CDH13: variants seen among roughly 807,000 people sequenced by gnomAD.
The protein encoded by CDH13 is cadherin-13.
In CDH13, 24 loss-of-function variants were observed where a neutral mutation model predicts 63.8. The observed-to-expected ratio is 0.38, with a 90% CI of 0.27 to 0.53. The LOEUF is 0.53. Ranked by LOEUF, CDH13 falls within the 20% of genes least tolerant of loss-of-function variation. The probability of loss-of-function intolerance (pLI) is 0.85; values close to 1 mark genes in which losing one functional copy is unlikely to be tolerated. For synonymous variants in CDH13, 503 were observed against 355.3 expected, an observed-to-expected ratio of 1.42 and a Z score of -4.67; for missense variants, 1,049 against 903.1, an observed-to-expected ratio of 1.16 and a Z score of -2.07.
At chr16:83,131,093 G>A (rs972210090) in intron 4 of CDH13, among the ~76,000 whole-genome samples, 6 of 150,670 alleles carry the variant, frequency 4.0e-5, no homozygotes, top group South Asian at 2.1e-4. Flanking sequence ...CTGCTTTTCC[G>A]TAATACGAGG....
chr16:83,661,863 G>A (rs1463950467), intron 8 of CDH13, among the ~76,000 whole-genome samples: 1 of 152,198 alleles, frequency 6.6e-6, no homozygotes, highest in Non-Finnish European at 1.5e-5. Context: ...AGCAATTCCT[G>A]CCAGGGCATG....
chr16:82,690,668 A>G (rs980336865), intron 1 of CDH13, among the ~76,000 whole-genome samples: 1 of 152,246 alleles, frequency 6.6e-6, no homozygotes, highest in African/African-American at 2.4e-5. Flanking sequence ...GTAATGAAGC[A>G]GAACTACTGT....
At position 83,678,394 on chromosome 16, in the gene CDH13, T is replaced by G. The variant is rs375830247; in HGVS notation, c.1471T>G (p.Ser491Ala). 16 of 1,613,862 alleles carry G rather than the reference T, an allele frequency of 9.9e-6. No individual in the cohort carries two copies. The highest frequency in any genetic ancestry group is 1.4e-5 in the Non-Finnish European group (16 of 1,179,896). The change falls in exon 10 of 14, where the codon TCT (serine) becomes GCT (alanine). Residue 491 changes from serine (S) to alanine (A), a missense_variant. Transcript: ENST00000567109. ...PMMVTRQEDLSVGSVLLTVNA... is the reference protein window; with the variant it reads ...PMMVTRQEDLAVGSVLLTVNA... Reference sequence around the variant, plus strand: ...GATGGTGACCAGGCAGGAGGACCTCTCTGTGGGCAGCGTGCTGCTGACAGT... The same window carrying G: ...GATGGTGACCAGGCAGGAGGACCTCGCTGTGGGCAGCGTGCTGCTGACAGT...
intron 3 of CDH13, among the ~76,000 whole-genome samples, chr16:83,048,361 G>A (rs1302493696): frequency 2.0e-5 from 3 of 152,188 alleles, no homozygotes; most frequent in African/African-American, 7.2e-5. Flanking sequence ...TGAAACACAG[G>A]ATGGGGGTGA....
chr16:83,028,235 C>T (rs1197044184), intron 2 of CDH13, among the ~76,000 whole-genome samples: 1 of 152,200 alleles, frequency 6.6e-6, no homozygotes, highest in Non-Finnish European at 1.5e-5. Flanking sequence ...ACAGTGAAAG[C>T]AACCTTGGTG....
Position 83,754,726 on chromosome 16 carries a change from C to T in CDH13, c.1681+6476C>T, listed in dbSNP as rs143739431. 1.3e-3 allele frequency among the ~76,000 whole-genome samples: 193 copies of T among 152,326 alleles called. 3 individuals carry two copies. The East Asian group carries it at 0.036, about 28-fold the overall frequency. ...TCCCTGTAAGATGGGACTTGCTCCT[C>T]CTTGCCTTCCACCATGATTGTGAGG... On this transcript the variant is annotated intron_variant, in intron 11 of 13. Coordinates refer to ENST00000567109, the MANE Select transcript of CDH13 (RefSeq NM_001257.5).
chr16:82,960,836 A>G (rs772453993), intron 2 of CDH13, among the ~76,000 whole-genome samples: 83 of 152,164 alleles, frequency 5.5e-4, no homozygotes, highest in Admixed American at 2.0e-4. Context: ...AATTATTGTT[A>G]ATACAAATAA....
At chr16:82,699,962 G>T (rs1028144535) in intron 1 of CDH13, among the ~76,000 whole-genome samples, 4 of 152,232 alleles carry the variant, frequency 2.6e-5, no homozygotes, top group African/African-American at 9.6e-5. Context: ...GCATTTGCCT[G>T]CAAGTTGCCA....
chr16:83,255,875 A>G (rs992248734), intron 5 of CDH13, among the ~76,000 whole-genome samples: 1 of 152,102 alleles, frequency 6.6e-6, no homozygotes, highest in Admixed American at 6.5e-5. Flanking sequence ...ACATGAGACA[A>G]TGTCAGTAAA....
intron 4 of CDH13, among the ~76,000 whole-genome samples, chr16:83,156,150 G>T (rs1480604043): frequency 6.6e-6 from 1 of 152,170 alleles, no homozygotes; most frequent in Non-Finnish European, 1.5e-5. Flanking sequence ...CTTGGTTTGT[G>T]CTTTGAACAT....
chr16:83,146,448 G>C (rs908287621), intron 4 of CDH13, among the ~76,000 whole-genome samples: 1 of 151,906 alleles, frequency 6.6e-6, no homozygotes, highest in African/African-American at 2.4e-5. Flanking sequence ...CAATTTGTTT[G>C]GTCTTCCCTT....
At chr16:82,898,438 T>C (rs57774631) in intron 2 of CDH13, among the ~76,000 whole-genome samples, 2,829 of 152,272 alleles carry the variant, frequency 0.019, 85 homozygotes, top group African/African-American at 0.064. Context: ...GACAGGAGAA[T>C]TACTTGAACC....
intron 2 of CDH13, among the ~76,000 whole-genome samples, chr16:82,937,282 A>G (rs1422438703): frequency 1.3e-5 from 2 of 152,098 alleles, no homozygotes; most frequent in African/African-American, 2.4e-5. Flanking sequence ...CAGGTTTCCA[A>G]AGCTGTTTCC....
At chr16:83,590,953 CA>C (rs1567789754) in intron 7 of CDH13, among the ~76,000 whole-genome samples, 1 of 144,418 alleles carries the variant, frequency 6.9e-6, no homozygotes, top group Non-Finnish European at 1.5e-5. Context: ...TCTCGTTGCC[CA>C]GGCTGGAGTG....
At chr16:83,230,988 G>C (rs1289456304) in intron 5 of CDH13, among the ~76,000 whole-genome samples, 2 of 152,200 alleles carry the variant, frequency 1.3e-5, no homozygotes, top group Non-Finnish European at 2.9e-5. Context: ...CAGAATGGTT[G>C]CTCCCTTTGT....
rs548265037 is a variant in CDH13, at chr16:83,021,999, G to T, written c.158-10011G>T. ...TGACTAGAATGCTGGTGAAATGAGA[G>T]TATTCAGGAAAGTCAAAAGAAATGC... On this transcript the variant is annotated intron_variant, in intron 2 of 13. Transcript: ENST00000567109. Among the ~76,000 whole-genome samples, 10 of 152,314 alleles carry T rather than the reference G, an allele frequency of 6.6e-5. No individual in the cohort carries two copies. The East Asian group carries it at 1.3e-3, about 21-fold the overall frequency.
At position 83,143,402 on chromosome 16, in the gene CDH13, G is replaced by C. The variant is rs555322821; in HGVS notation, c.483+17901G>C. 4.1e-4 allele frequency among the ~76,000 whole-genome samples: 62 copies of C among 152,202 alleles called. No individual in the cohort carries two copies. The South Asian group carries it at 0.011, about 27-fold the overall frequency. ...ATATACATACTATAAAACTCATTAT[G>C]TAACATATTACATAAAGCACATTTT... On this transcript the variant is annotated intron_variant, in intron 4 of 13. Coordinates refer to ENST00000567109, the MANE Select transcript of CDH13 (RefSeq NM_001257.5).
intron 3 of CDH13, among the ~76,000 whole-genome samples, chr16:83,033,329 G>A (rs373520965): frequency 6.6e-6 from 1 of 151,490 alleles, no homozygotes; most frequent in Non-Finnish European, 1.5e-5. Flanking sequence ...GTATATGTAT[G>A]TCTATATGTA....
chr16:82,971,895 G>T (rs756700721), intron 2 of CDH13, among the ~76,000 whole-genome samples: 2 of 152,152 alleles, frequency 1.3e-5, no homozygotes, highest in African/African-American at 2.4e-5. Context: ...CTGTACCCTT[G>T]TTTGCAGCGA....
Sources: allele counts gnomAD v4.1 joint callset (sites outside exome capture counted in the v4.1 genomes callset), GRCh38; gene constraint gnomAD v4.1.1; transcripts MANE v1.5; gene names NCBI Gene and HGNC (gene_info 2026-07-23, HGNC 2026-07-21).